The following KDM3A variants were observed in gnomAD, a reference collection of about 807,000 sequenced individuals.
KDM3A encodes lysine demethylase 3A, also known as lysine-specific demethylase 3A.
Under a neutral mutation model 158.0 loss-of-function variants are expected in KDM3A, and 60 were observed. That is an observed-to-expected ratio of 0.38 (90% CI 0.31 to 0.47). KDM3A has a LOEUF of 0.47. Ranked by LOEUF, KDM3A falls within the 20% of genes least tolerant of loss-of-function variation. The probability of loss-of-function intolerance (pLI) is 0.99; values close to 1 mark genes in which losing one functional copy is unlikely to be tolerated. For missense variants in KDM3A, 1,319 were observed against 1,574.3 expected, an observed-to-expected ratio of 0.84 and a Z score of 2.74; for synonymous variants, 608 against 549.3, an observed-to-expected ratio of 1.11 and a Z score of -1.49.
rs1673243692 is a variant in KDM3A at position 86,468,178 on chromosome 2, C to G, written c.1519+1295C>G. Among the ~76,000 whole-genome samples the G allele has an allele frequency of 5.9e-5, 9 of 152,326 alleles. No homozygotes were observed. In the South Asian group the frequency reaches 1.7e-3, roughly 28 times the overall value. On this transcript the variant is annotated intron_variant, in intron 10 of 25. Coordinates refer to ENST00000312912, the MANE Select transcript of KDM3A (RefSeq NM_018433.6). ...TGACTTGCGAATCTTTTTAGTATAG[C>G]ATTGGAAGAATAGAAAGAACTTTCT...
At chr2:86,481,570 A>ATTGTAC (rs1234721890) in intron 16 of KDM3A, among the ~76,000 whole-genome samples, 3 of 151,682 alleles carry the variant, frequency 2.0e-5, no homozygotes, top group Non-Finnish European at 2.9e-5. Flanking sequence ...TTTATTAAGC[A>ATTGTAC]TTGTACTGGA....
intron 11 of KDM3A, among the ~76,000 whole-genome samples, chr2:86,474,034 T>G (rs567069676): frequency 6.6e-6 from 1 of 152,322 alleles, no homozygotes; most frequent in South Asian, 2.1e-4. Flanking sequence ...TGAGCTTTTT[T>G]CTTGAAGCAG....
chr2:86,465,716 C>T (rs769943697), intron 9 of KDM3A, among the ~76,000 whole-genome samples: 4 of 151,838 alleles, frequency 2.6e-5, no homozygotes, highest in South Asian at 2.1e-4. Flanking sequence ...GCCCATTGTT[C>T]GTTTTTAATT....
chr2:86,460,472 G>C (rs927048608), intron 8 of KDM3A, among the ~76,000 whole-genome samples: 1 of 152,172 alleles, frequency 6.6e-6, no homozygotes, highest in Non-Finnish European at 1.5e-5. Context: ...CACTCAGCAC[G>C]ATTCTCACTG....
chr2:86,450,834 T>C (rs1202238255), intron 3 of KDM3A, among the ~76,000 whole-genome samples: 1 of 152,096 alleles, frequency 6.6e-6, no homozygotes, highest in East Asian at 1.9e-4. Flanking sequence ...ATACAAACAG[T>C]TTTTGCATAA....
At chr2:86,449,711 A>G in intron 2 of KDM3A, 96 bp from the exon 3 acceptor site, 1 of 1,323,422 alleles carries the variant, frequency 7.6e-7, no homozygotes, top group Non-Finnish European at 1.0e-6. Context: ...AAGGATTCAA[A>G]TAGAATAATG....
At chr2:86,441,970 C>A (rs1008537537) in intron 1 of KDM3A, 48 bp from the exon 2 acceptor site, 2 of 1,517,038 alleles carry the variant, frequency 1.3e-6, no homozygotes, top group East Asian at 2.3e-5. Flanking sequence ...CCGCCCGGCC[C>A]CCTCCCACCG....
intron 21 of KDM3A, chr2:86,487,503 T>A (rs1218339990): frequency 6.6e-6 from 1 of 152,318 alleles, no homozygotes; most frequent in East Asian, 1.9e-4. Flanking sequence ...ACCCCCCATT[T>A]TGCAAATGAG....
chr2:86,437,581 TTATA>T (rs1682511582), upstream of KDM3A, among the ~76,000 whole-genome samples: 1 of 152,102 alleles, frequency 6.6e-6, no homozygotes, highest in Non-Finnish European at 1.5e-5. Context: ...TCTTCATTAC[TTATA>T]TATTTATGTC....
At chr2:86,460,309 G>A (rs531530636) in intron 8 of KDM3A, among the ~76,000 whole-genome samples, 1 of 151,918 alleles carries the variant, frequency 6.6e-6, no homozygotes, top group Non-Finnish European at 1.5e-5. Context: ...ATTCCATATC[G>A]GTAAATGTCT....
intron 4 of KDM3A, 78 bp from the exon 5 acceptor site, chr2:86,455,007 T>A: frequency 1.3e-6 from 1 of 794,096 alleles, no homozygotes; most frequent in South Asian, 1.9e-5. Flanking sequence ...ATTAACCAAT[T>A]GAAATAGCCC....
chr2:86,443,193 C>T (rs778212728), intron 2 of KDM3A: 12 of 152,166 alleles, frequency 7.9e-5, no homozygotes, highest in Non-Finnish European at 1.5e-4. Context: ...ATATTTCCAC[C>T]CTGCCTAGTA....
intron 19 of KDM3A, 52 bp downstream of exon 19, chr2:86,484,210 C>T (rs758227110): frequency 1.3e-6 from 2 of 1,494,186 alleles, no homozygotes; most frequent in Non-Finnish European, 1.8e-6. Context: ...GGAGGGGACA[C>T]AGGAATGGCA....
chr2:86,443,070 T>C (rs1425489236), intron 2 of KDM3A: 2 of 152,148 alleles, frequency 1.3e-5, no homozygotes, highest in Non-Finnish European at 2.9e-5. Context: ...GAACAAGCAG[T>C]GAGGAAGCCA....
chr2:86,446,929 A>G (rs917071352), intron 2 of KDM3A, among the ~76,000 whole-genome samples: 8 of 152,174 alleles, frequency 5.3e-5, no homozygotes, highest in African/African-American at 1.9e-4. Context: ...CTCCCACCTC[A>G]GCCTCCTGAA....
At chr2:86,452,558 A>G (rs1348640381) in intron 4 of KDM3A, among the ~76,000 whole-genome samples, 2 of 152,166 alleles carry the variant, frequency 1.3e-5, no homozygotes, top group Non-Finnish European at 2.9e-5. Flanking sequence ...TAGACTGCAC[A>G]CACGCATACA....
At chr2:86,474,721 G>GTGTGTA in intron 11 of KDM3A, 55 bp from the exon 12 acceptor site, 1 of 773,386 alleles carries the variant, frequency 1.3e-6, no homozygotes, top group Non-Finnish European at 2.3e-6. Flanking sequence ...GTGTGTGTGT[G>GTGTGTA]TGTGTGTGTG....
At chr2:86,489,215 C>G (rs1452323141) in intron 21 of KDM3A, 103 bp from the exon 22 acceptor site, 1 of 1,276,054 alleles carries the variant, frequency 7.8e-7, no homozygotes, top group African/African-American at 1.5e-5. Flanking sequence ...TTATTCTCAG[C>G]AGAAGAGTCA....
intron 11 of KDM3A, among the ~76,000 whole-genome samples, chr2:86,472,687 C>T (rs971050877): frequency 6.6e-6 from 1 of 152,146 alleles, no homozygotes; most frequent in Non-Finnish European, 1.5e-5. Flanking sequence ...TTCTAAAACA[C>T]AACTTTGCAT....
Sources: gnomAD v4.1 joint callset for allele counts (sites outside exome capture counted in the v4.1 genomes callset) on GRCh38, gnomAD v4.1.1 for gene constraint, MANE v1.5 for transcripts, NCBI Gene and HGNC (gene_info 2026-07-23, HGNC 2026-07-21) for gene names.